Variants in CCDC178 observed in about 807,000 individuals in gnomAD.
CCDC178 encodes coiled-coil domain containing 178, also known as coiled-coil domain-containing protein 178.
CCDC178 carries 126 observed loss-of-function variants against 117.4 expected under a neutral mutation model. The ratio of observed to expected loss-of-function variants is 1.07; its 90% confidence interval spans 0.93 to 1.24. The LOEUF is 1.24. CCDC178 is among the 50% of genes most tolerant of loss of function. CCDC178 has a pLI of 0.00. For missense variants in CCDC178, 1,030 were observed against 986.9 expected, an observed-to-expected ratio of 1.04 and a Z score of -0.59; for synonymous variants, 283 against 313.4, an observed-to-expected ratio of 0.90 and a Z score of 1.02.
intron 2 of CCDC178, among the ~76,000 whole-genome samples, chr18:33,419,184 C>A (rs545222232): frequency 2.0e-5 from 3 of 152,052 alleles, no homozygotes; most frequent in Admixed American, 2.0e-4. Context: ...AAACAAGCAA[C>A]GGAGAAAGGA....
chr18:33,147,523 A>G (rs968006905), intron 20 of CCDC178, among the ~76,000 whole-genome samples: 1 of 151,692 alleles, frequency 6.6e-6, no homozygotes, highest in African/African-American at 2.4e-5. Context: ...GCGGCCTTCC[A>G]CAGTGTTTGT....
At chr18:33,108,116 T>C (rs1360109022) in intron 20 of CCDC178, among the ~76,000 whole-genome samples, 2 of 151,610 alleles carry the variant, frequency 1.3e-5, no homozygotes, top group Admixed American at 6.6e-5. Flanking sequence ...GATAAGTGTT[T>C]ATACATTTCC....
At chr18:33,175,324 T>C (rs1272628219) in intron 20 of CCDC178, among the ~76,000 whole-genome samples, 1 of 152,180 alleles carries the variant, frequency 6.6e-6, no homozygotes, top group Non-Finnish European at 1.5e-5. Context: ...CTTGAGCTTC[T>C]AGTTCTCCTT....
chr18:33,298,204 G>A (rs1181130334), intron 11 of CCDC178, among the ~76,000 whole-genome samples: 1 of 152,088 alleles, frequency 6.6e-6, no homozygotes, highest in African/African-American at 2.4e-5. Flanking sequence ...TATATCTGAT[G>A]AACATAGATA....
intron 22 of CCDC178, among the ~76,000 whole-genome samples, chr18:32,951,675 C>T (rs2054487888): frequency 6.6e-6 from 1 of 152,162 alleles, no homozygotes; most frequent in Non-Finnish European, 1.5e-5. Context: ...CCTCACATTT[C>T]AAAACACAAT....
At chr18:33,340,343 C>A (rs2062800493) in intron 9 of CCDC178, among the ~76,000 whole-genome samples, 1 of 152,064 alleles carries the variant, frequency 6.6e-6, no homozygotes, top group African/African-American at 2.4e-5. Flanking sequence ...AAAAGCATTC[C>A]ATTTTAAAAG....
chr18:33,100,055 C>T (rs1215342379), intron 20 of CCDC178, among the ~76,000 whole-genome samples: 1 of 151,898 alleles, frequency 6.6e-6, no homozygotes, highest in Non-Finnish European at 1.5e-5. Flanking sequence ...ATGGGAGGTA[C>T]TGGTGGAGGC....
At chr18:33,349,413 G>C (rs191013966) in intron 7 of CCDC178, among the ~76,000 whole-genome samples, 2 of 151,962 alleles carry the variant, frequency 1.3e-5, no homozygotes, top group Admixed American at 1.3e-4. Flanking sequence ...AAATTAAAAT[G>C]TTGTTTCCTT....
In CCDC178 at chr18:32,938,240, G is replaced by C. The variant is rs922394594; in HGVS notation, c.2524-149C>G. 12 of 596,842 alleles carry C rather than the reference G, an allele frequency of 2.0e-5. No homozygotes were observed. The African/African-American group carries it at 2.2e-4, about 11-fold the overall frequency. The allele number at this position is 596,842 out of a possible 1,614,324, so 37.0% of individuals were successfully genotyped here. A position where few individuals can be genotyped will look rare whatever the true frequency, so the allele number is the denominator to read the frequency against. On this transcript the variant is annotated intron_variant, in intron 22 of 22. Transcript: ENST00000383096. ...CATTCTCCTTTATAGGAGACAAACA[G>C]TATAAACCCCAAGGAAGAGTGATTT...
chr18:33,195,411 A>C (rs1047569714), intron 20 of CCDC178, among the ~76,000 whole-genome samples: 1 of 152,130 alleles, frequency 6.6e-6, no homozygotes. Flanking sequence ...TACCCTGGTT[A>C]CCTGAGAGAA....
rs756429526 is a variant in CCDC178 at position 33,370,136 on chromosome 18, C to T, written c.262G>A (p.Val88Ile). The change falls in exon 6 of 23, where the codon GTA (valine) becomes ATA (isoleucine). Residue 88 changes from valine (V) to isoleucine (I), a missense_variant. Coordinates refer to ENST00000383096, the MANE Select transcript of CCDC178 (RefSeq NM_001105528.4). ...SYPCRRHSCAVVNIPAPCVNK... is the reference protein window; with the variant it reads ...SYPCRRHSCAIVNIPAPCVNK... ...ACACAAGGTGCTGGAATATTTACTA[C>T]GGCACAGCTGTGACGTCGACATGGG... The T allele has an allele frequency of 9.0e-5, 144 of 1,604,992 alleles. No individual in the cohort carries two copies. The South Asian group carries it at 1.1e-3, about 12-fold the overall frequency.
chr18:33,382,446 A>G (rs940858368), intron 5 of CCDC178, among the ~76,000 whole-genome samples: 2 of 152,154 alleles, frequency 1.3e-5, no homozygotes, highest in African/African-American at 2.4e-5. Flanking sequence ...AGCAAGACCA[A>G]CATGGAAGGT....
chr18:33,310,588 G>C (rs1347056425), intron 11 of CCDC178, among the ~76,000 whole-genome samples: 1 of 151,938 alleles, frequency 6.6e-6, no homozygotes, highest in Non-Finnish European at 1.5e-5. Flanking sequence ...CAAGGGGCTA[G>C]GGAGGGAGAA....
chr18:33,213,881 C>G (rs2059135049), intron 19 of CCDC178, among the ~76,000 whole-genome samples: 1 of 152,038 alleles, frequency 6.6e-6, no homozygotes, highest in Non-Finnish European at 1.5e-5. Flanking sequence ...CTGCAAAGAT[C>G]TTCAGACACT....
At chr18:33,110,027 T>A (rs1410999004) in intron 20 of CCDC178, among the ~76,000 whole-genome samples, 1 of 151,622 alleles carries the variant, frequency 6.6e-6, no homozygotes, top group Non-Finnish European at 1.5e-5. Context: ...CTACACCTAT[T>A]TACCTTCTGA....
chr18:33,348,781 T>G (rs2062930602), intron 8 of CCDC178, 109 bp downstream of exon 8: 6 of 708,954 alleles, frequency 8.5e-6, no homozygotes, highest in Non-Finnish European at 1.4e-5. Flanking sequence ...ACATTCATAA[T>G]AATTATAAAA....
chr18:33,083,268 A>G (rs897537833), intron 21 of CCDC178, among the ~76,000 whole-genome samples: 1 of 152,218 alleles, frequency 6.6e-6, no homozygotes, highest in African/African-American at 2.4e-5. Context: ...GTCTGGCCCC[A>G]TGCTACACTG....
At chr18:33,130,058 C>T (rs865924596) in intron 20 of CCDC178, among the ~76,000 whole-genome samples, 5 of 151,754 alleles carry the variant, frequency 3.3e-5, no homozygotes, top group African/African-American at 1.2e-4. Context: ...GCTCTTTTGG[C>T]AGTGTAATAT....
intron 14 of CCDC178, among the ~76,000 whole-genome samples, chr18:33,246,609 G>A (rs764445909): frequency 6.6e-6 from 1 of 151,654 alleles, no homozygotes; most frequent in African/African-American, 2.4e-5. Context: ...TCACAAACAA[G>A]GTAGAATAGA....
Sources: allele counts gnomAD v4.1 joint callset (sites outside exome capture counted in the v4.1 genomes callset), GRCh38; gene constraint gnomAD v4.1.1; transcripts MANE v1.5; gene names NCBI Gene and HGNC (gene_info 2026-07-23, HGNC 2026-07-21).